The following ZNF569 variants were observed in gnomAD, a reference collection of about 807,000 sequenced individuals.
ZNF569 encodes DNA-binding protein.
Under a neutral mutation model 56.3 loss-of-function variants are expected in ZNF569, and 38 were observed. The observed-to-expected ratio is 0.68, with a 90% CI of 0.52 to 0.88. ZNF569 has a LOEUF of 0.88. Among genes scored for constraint, ZNF569 ranks in the 40% least tolerant of loss-of-function variants. The pLI, the probability that ZNF569 is intolerant of heterozygous loss-of-function variation, is 0.00. For missense variants in ZNF569, 666 were observed against 809.2 expected, an observed-to-expected ratio of 0.82 and a Z score of 2.15; for synonymous variants, 241 against 262.9, an observed-to-expected ratio of 0.92 and a Z score of 0.81.
upstream of ZNF569, chr19:37,469,252 C>A: frequency 7.2e-7 from 1 of 1,384,684 alleles, no homozygotes; most frequent in Non-Finnish European, 9.4e-7. Flanking sequence ...CCAGACACTG[C>A]GACGCCGCGA....
At chr19:37,448,556 CTTTTTTTTTTT>C (rs545559315) in intron 2 of ZNF569, among the ~76,000 whole-genome samples, 3 of 72,530 alleles carry the variant, frequency 4.1e-5, no homozygotes, top group African/African-American at 6.3e-5. Flanking sequence ...ATGCTGTAAT[CTTTTTTTTTTT>C]TTTTTTTTTT....
chr19:37,460,564 A>T lies in ZNF569; in HGVS notation c.-44+4749T>A, dbSNP rs189624633. ...AAAAAAAAAACAACTATATATGTCTATAAGAAACCCACTTTAACATTCAAG... is the reference window on the plus strand; with the variant it reads ...AAAAAAAAAACAACTATATATGTCTTTAAGAAACCCACTTTAACATTCAAG... On this transcript the variant is annotated intron_variant, in intron 2 of 5. Coordinates refer to ENST00000316950, the MANE Select transcript of ZNF569 (RefSeq NM_152484.3). Among the ~76,000 whole-genome samples the T allele has an allele frequency of 2.0e-5, 3 of 152,246 alleles. No individual in the cohort carries two copies. The East Asian group carries it at 5.8e-4, about 29-fold the overall frequency.
At chr19:37,417,391 G>A (rs2040951556) in intron 5 of ZNF569, among the ~76,000 whole-genome samples, 2 of 152,148 alleles carry the variant, frequency 1.3e-5, no homozygotes, top group African/African-American at 4.8e-5. Context: ...CTCCCAAGTA[G>A]CTGGGACTAG....
chr19:37,432,576 C>G (rs540721932), intron 3 of ZNF569, among the ~76,000 whole-genome samples: 1 of 152,314 alleles, frequency 6.6e-6, no homozygotes, highest in South Asian at 2.1e-4. Flanking sequence ...CAAGCTCAGA[C>G]TGCTAAGACT....
intron 2 of ZNF569, among the ~76,000 whole-genome samples, chr19:37,449,941 C>T (rs1427288161): frequency 2.0e-5 from 3 of 152,038 alleles, no homozygotes; most frequent in Non-Finnish European, 4.4e-5. Context: ...TGTTCTTTTT[C>T]GCTCTCCTTC....
At chr19:37,452,344 T>C (rs897514285) in intron 2 of ZNF569, among the ~76,000 whole-genome samples, 5 of 152,206 alleles carry the variant, frequency 3.3e-5, no homozygotes, top group African/African-American at 1.2e-4. Flanking sequence ...CCACCACCAT[T>C]ATGGTAATGC....
intron 2 of ZNF569, among the ~76,000 whole-genome samples, chr19:37,462,508 G>A (rs866815974): frequency 8.6e-5 from 13 of 151,334 alleles, no homozygotes; most frequent in Middle Eastern, 6.8e-3. Context: ...AAAATTCCAC[G>A]GACACTGCTT....
intron 5 of ZNF569, among the ~76,000 whole-genome samples, chr19:37,417,412 A>C (rs528422916): frequency 1.6e-4 from 25 of 151,796 alleles, no homozygotes; most frequent in African/African-American, 5.8e-4. Flanking sequence ...AGGCGTGGTT[A>C]ATTTTTTTGT....
In ZNF569 at chr19:37,412,319, GTGT is replaced by G. The variant is rs1406001546; in HGVS notation, c.*275_*277del. ...TACATTGGCTAGGAGCTCAAGTGTT[GTGT>G]TGTTATGCTGATGGAAGATACCTTG... On this transcript the variant is annotated 3_prime_UTR_variant, in exon 6 of 6. Transcript: ENST00000316950. The G allele has an allele frequency of 2.9e-6, 1 of 343,380 alleles. No homozygotes were observed. Among genetic ancestry groups the G allele is most frequent in the Non-Finnish European group, 5.1e-6 (1 of 196,530 alleles). The allele number at this position is 343,380 out of a possible 1,614,324, so 21.3% of individuals were successfully genotyped here. A position where few individuals can be genotyped will look rare whatever the true frequency, so the allele number is the denominator to read the frequency against.
chr19:37,415,918 G>T (rs1040933804), intron 5 of ZNF569, among the ~76,000 whole-genome samples: 1 of 150,780 alleles, frequency 6.6e-6, no homozygotes, highest in East Asian at 2.0e-4. Flanking sequence ...AGAATATTAA[G>T]AAAAGAGTTG....
intron 2 of ZNF569, among the ~76,000 whole-genome samples, chr19:37,463,899 A>C (rs1056508898): frequency 6.6e-6 from 1 of 152,222 alleles, no homozygotes; most frequent in Admixed American, 6.5e-5. Flanking sequence ...GCTTATAAAG[A>C]TATAAAGAAA....
At position 37,428,524 on chromosome 19, in the gene ZNF569, TAAAAAAAAA is replaced by T. The variant is rs577659092; in HGVS notation, c.16-2155_16-2147del. ...GGCAATAGAACAAGACCCTGTCTCT[TAAAAAAAAA>T]AAAAAAAAAAAAGCTGATAGTTTAA... On this transcript the variant is annotated intron_variant, in intron 3 of 5. Transcript: ENST00000316950. Among the ~76,000 whole-genome samples the T allele has an allele frequency of 6.0e-3, 531 of 87,992 alleles. 2 individuals carry two copies. Among genetic ancestry groups the T allele is most frequent in the African/African-American group, 0.021 (494 of 23,704 alleles). The allele number at this position is 87,992 out of a possible 152,430, so 57.7% of individuals were successfully genotyped here. A position where few individuals can be genotyped will look rare whatever the true frequency, so the allele number is the denominator to read the frequency against.
intron 2 of ZNF569, among the ~76,000 whole-genome samples, chr19:37,446,677 C>T (rs531231260): frequency 6.6e-6 from 1 of 151,796 alleles, no homozygotes; most frequent in East Asian, 1.9e-4. Flanking sequence ...AGATAACATT[C>T]GAAAAACCCT....
Position 37,414,398 on chromosome 19 carries a change from T to C in ZNF569, c.260A>G (p.Glu87Gly), listed in dbSNP as rs1349967796. The C allele has an allele frequency of 5.7e-6, 9 of 1,588,894 alleles. No individual in the cohort carries two copies. Among genetic ancestry groups the C allele is most frequent in the Non-Finnish European group, 6.8e-6 (8 of 1,170,808 alleles). ...HWQGEIWGVD[E>G]HQKNQDRLLR... ...AAGTCTGTCCTGGTTTTTCTGATGC[T>C]CATCAACTCCCCATATTTCTCCTAA... Residue 87 changes from glutamate (E) to glycine (G), a missense_variant, in exon 6 of 6, where the codon GAG becomes GGG. Physicochemically the swap from Glu to Gly is moderately conservative, Grantham distance 98 (BLOSUM62 -2). Transcript: ENST00000316950.
At chr19:37,461,309 T>C (rs2041753252) in intron 2 of ZNF569, among the ~76,000 whole-genome samples, 1 of 146,606 alleles carries the variant, frequency 6.8e-6, no homozygotes, top group Admixed American at 7.0e-5. Context: ...ATGAAAAATA[T>C]CCTCTTTTTT....
chr19:37,445,151 G>A (rs2146940659), intron 2 of ZNF569, among the ~76,000 whole-genome samples, 187 bp from the exon 3 acceptor site: 1 of 152,118 alleles, frequency 6.6e-6, no homozygotes, highest in Admixed American at 6.6e-5. Context: ...TGCAGAGCTT[G>A]GGCACAGGGT....
In ZNF569 at chr19:37,413,372, T is replaced by C. The variant is rs1438119208; in HGVS notation, c.1286A>G (p.Gln429Arg). The change falls in exon 6 of 6, where the codon CAG becomes CGG. Residue 429 changes from glutamine to arginine, a missense_variant. Coordinates refer to ENST00000316950, the MANE Select transcript of ZNF569 (RefSeq NM_152484.3). Reference sequence around the variant, plus strand: ...AGGTTTCTCTCTAGTATGAATTTTCTGGTGTGTAATGAAGTTTTTCTTGTG... The same window carrying C: ...AGGTTTCTCTCTAGTATGAATTTTCCGGTGTGTAATGAAGTTTTTCTTGTG... ...FSHKKNFITHQKIHTREKPYE... is the reference protein window; with the variant it reads ...FSHKKNFITHRKIHTREKPYE... The C allele has an allele frequency of 2.5e-6, 4 of 1,609,182 alleles. No homozygotes were observed. The South Asian group carries it at 4.4e-5, about 18-fold the overall frequency.
chr19:37,418,399 A>G (rs1263755768), intron 5 of ZNF569, among the ~76,000 whole-genome samples: 1 of 152,304 alleles, frequency 6.6e-6, no homozygotes, highest in South Asian at 2.1e-4. Context: ...ATTCTATCCA[A>G]AAGTGCACAA....
intron 2 of ZNF569, among the ~76,000 whole-genome samples, chr19:37,457,674 C>T: frequency 9.1e-6 from 1 of 110,020 alleles, no homozygotes; most frequent in South Asian, 3.3e-4. Context: ...ACATCACACA[C>T]TGGGGCCTGT....
Sources: gnomAD v4.1 joint callset for allele counts (sites outside exome capture counted in the v4.1 genomes callset) on GRCh38, gnomAD v4.1.1 for gene constraint, MANE v1.5 for transcripts, NCBI Gene and HGNC (gene_info 2026-07-23, HGNC 2026-07-21) for gene names.